The following CNTNAP3B variants were observed in gnomAD, a reference collection of about 807,000 sequenced individuals.
CNTNAP3B encodes the protein contactin associated protein family member 3B.
CNTNAP3B carries 25 observed loss-of-function variants against 108.9 expected under a neutral mutation model. The observed-to-expected ratio is 0.23, with a 90% CI of 0.17 to 0.32. The LOEUF (loss-of-function observed/expected upper bound fraction) is 0.32. Among genes scored for constraint, CNTNAP3B ranks in the 10% least tolerant of loss-of-function variants. The pLI is 1.00. For missense variants in CNTNAP3B, 252 were observed against 1,210.4 expected (o/e 0.21, Z 11.75); for synonymous variants, 103 against 473.4 (o/e 0.22, Z 10.16).
At chr9:41,939,523 A>C (rs1301970063) in intron 13 of CNTNAP3B, among the ~76,000 whole-genome samples, 1 of 152,410 alleles carries the variant, frequency 6.6e-6, no homozygotes, top group Non-Finnish European at 1.5e-5. Flanking sequence ...AACGAAAAAA[A>C]GGCAATCTGG....
chr9:42,014,773 A>G (rs1413118654), intron 3 of CNTNAP3B, among the ~76,000 whole-genome samples: 2 of 65,594 alleles, frequency 3.0e-5, no homozygotes, highest in Admixed American at 1.6e-4. Context: ...CCTGGGCAAC[A>G]GAGGTAGACT....
rs1278236368 is a variant in CNTNAP3B at position 42,112,920 on chromosome 9, A to T, written c.86-8181T>A. Among the ~76,000 whole-genome samples the T allele has an allele frequency of 1.6e-5, 2 of 127,014 alleles. 1 individual carries two copies. The highest frequency in any genetic ancestry group is 3.3e-5 in the Non-Finnish European group (2 of 61,012). The allele number at this position is 127,014 out of a possible 152,430, so 83.3% of individuals were successfully genotyped here. ...AGCCTCGCCCTGTCGCCCAGGCTAA[A>T]TTTTTTTTGTATTTTTAGTAGACAC... On this transcript the variant is annotated intron_variant, in intron 1 of 23. Transcript: ENST00000377561.
intron 12 of CNTNAP3B, among the ~76,000 whole-genome samples, chr9:41,955,948 C>T (rs1824844077): frequency 6.6e-6 from 1 of 152,188 alleles, no homozygotes; most frequent in South Asian, 2.1e-4. Context: ...CTAGCTCAAA[C>T]CAGCCTAACT....
chr9:41,955,621 C>G (rs2118165911), intron 12 of CNTNAP3B, among the ~76,000 whole-genome samples: 1 of 152,370 alleles, frequency 6.6e-6, no homozygotes, highest in East Asian at 1.9e-4. Flanking sequence ...GCCTCGACCT[C>G]CTGGGCTCAA....
chr9:41,965,160 G>A (rs1421348307), intron 10 of CNTNAP3B, among the ~76,000 whole-genome samples: 1 of 152,282 alleles, frequency 6.6e-6, no homozygotes, highest in Non-Finnish European at 1.5e-5. Context: ...TGCTTTTTAA[G>A]CAATCTTAAC....
chr9:41,973,688 T>G (rs1486776432), intron 9 of CNTNAP3B, among the ~76,000 whole-genome samples: 1 of 138,992 alleles, frequency 7.2e-6, no homozygotes, highest in Non-Finnish European at 1.5e-5. Flanking sequence ...CAGGCATGAA[T>G]GCAAAAAACT....
At chr9:41,924,604 T>C (rs1477299159) in intron 15 of CNTNAP3B, among the ~76,000 whole-genome samples, 2 of 148,410 alleles carry the variant, frequency 1.3e-5, no homozygotes, top group African/African-American at 5.1e-5. Context: ...GTTGGAAAAA[T>C]GACTCCAGAA....
At chr9:41,942,276 C>T (rs1409209568) in intron 13 of CNTNAP3B, among the ~76,000 whole-genome samples, 4 of 152,256 alleles carry the variant, frequency 2.6e-5, no homozygotes, top group Admixed American at 6.5e-5. Context: ...GAGATCGAGA[C>T]CATCCTGGCT....
At chr9:42,087,318 C>G (rs1439039315) in intron 2 of CNTNAP3B, among the ~76,000 whole-genome samples, 1 of 135,274 alleles carries the variant, frequency 7.4e-6, no homozygotes, top group African/African-American at 2.9e-5. Flanking sequence ...TTTGTTGGGT[C>G]TGCTAAGACT....
Position 41,934,198 on chromosome 9 carries a change from TAC to T in CNTNAP3B, c.2237+4044_2237+4045del, listed in dbSNP as rs1824081136. Among the ~76,000 whole-genome samples the T allele has an allele frequency of 2.4e-3, 275 of 116,632 alleles. 1 individual carries two copies. The highest frequency in any genetic ancestry group is 7.8e-3 in the African/African-American group (266 of 33,956). The allele number at this position is 116,632 out of a possible 152,430, so 76.5% of individuals were successfully genotyped here. On this transcript the variant is annotated intron_variant, in intron 14 of 23. Transcript: ENST00000377561. ...ATATACACACACACACATATATATA[TAC>T]ATACACACACACACATACTTTTTTT...
intron 3 of CNTNAP3B, among the ~76,000 whole-genome samples, chr9:42,019,480 G>A (rs1172725330): frequency 2.9e-5 from 2 of 69,904 alleles, no homozygotes; most frequent in Non-Finnish European, 5.6e-5. Context: ...GGCCAGGCAC[G>A]GTGGCTTACG....
At chr9:42,081,349 T>C (rs1292834824) in intron 2 of CNTNAP3B, among the ~76,000 whole-genome samples, 3 of 148,916 alleles carry the variant, frequency 2.0e-5, no homozygotes, top group South Asian at 2.1e-4. Context: ...ATTTATCTTA[T>C]GTACCGTTTT....
chr9:41,966,739 G>A (rs563364451), intron 10 of CNTNAP3B, among the ~76,000 whole-genome samples: 25 of 152,296 alleles, frequency 1.6e-4, no homozygotes, highest in Admixed American at 3.9e-4. Context: ...AGGCTGACGC[G>A]GGTGGATCAC....
In CNTNAP3B at chr9:42,003,278, G is replaced by T. The variant is rs953367924; in HGVS notation, c.539-4674C>A. Among the ~76,000 whole-genome samples the T allele has an allele frequency of 9.6e-5, 11 of 114,116 alleles. No homozygotes were observed. The East Asian group carries it at 2.6e-3, about 26-fold the overall frequency. 74.9% of individuals were successfully genotyped at this position (114,116 alleles called of 152,430 possible). A position where few individuals can be genotyped will look rare whatever the true frequency, so the allele number is the denominator to read the frequency against. On this transcript the variant is annotated intron_variant, in intron 4 of 23. Coordinates refer to ENST00000377561, the MANE Select transcript of CNTNAP3B (RefSeq NM_001201380.3). Reference sequence around the variant, plus strand: ...CTTCTCACTGTCATTCTAAGCACAGGCATGTCTCATCCCCATCCTACCTTG... The same window carrying T: ...CTTCTCACTGTCATTCTAAGCACAGTCATGTCTCATCCCCATCCTACCTTG...
intron 17 of CNTNAP3B, among the ~76,000 whole-genome samples, chr9:41,921,281 A>AC (rs1823660976): frequency 6.6e-6 from 1 of 152,246 alleles, no homozygotes; most frequent in African/African-American, 2.4e-5. Flanking sequence ...TCTTGGTTTG[A>AC]CCCCTCCGTG....
chr9:42,125,566 G>A (rs1345489083), intron 1 of CNTNAP3B, among the ~76,000 whole-genome samples: 3 of 139,110 alleles, frequency 2.2e-5, no homozygotes, highest in Non-Finnish European at 4.6e-5. Context: ...TCAAACCAAT[G>A]TCTTGGAATT....
intron 8 of CNTNAP3B, among the ~76,000 whole-genome samples, chr9:41,986,559 G>T (rs1172399008): frequency 1.3e-5 from 2 of 149,110 alleles, no homozygotes; most frequent in African/African-American, 5.0e-5. Context: ...TTTGCTTAAA[G>T]TAACTAGAAT....
At chr9:41,932,510 T>TTTTAACTA (rs1824007868) in intron 14 of CNTNAP3B, among the ~76,000 whole-genome samples, 1 of 146,080 alleles carries the variant, frequency 6.8e-6, no homozygotes, top group African/African-American at 2.6e-5. Flanking sequence ...CTTTTTAACT[T>TTTTAACTA]TTTTTTCTTC....
At chr9:41,944,539 T>C (rs916063013) in intron 13 of CNTNAP3B, among the ~76,000 whole-genome samples, 9 of 152,258 alleles carry the variant, frequency 5.9e-5, no homozygotes, top group Non-Finnish European at 1.2e-4. Context: ...TACCAAGAAA[T>C]GTAATTAATA....
Sources: allele counts gnomAD v4.1 joint callset (sites outside exome capture counted in the v4.1 genomes callset), GRCh38; gene constraint gnomAD v4.1.1; transcripts MANE v1.5; gene names NCBI Gene and HGNC (gene_info 2026-07-23, HGNC 2026-07-21).